Variants in PTPRD observed in about 807,000 individuals in gnomAD.
PTPRD encodes protein tyrosine phosphatase receptor type D.
In PTPRD, 34 loss-of-function variants were observed where a neutral mutation model predicts 214.5. That is an observed-to-expected ratio of 0.16 (90% CI 0.12 to 0.21). The LOEUF (loss-of-function observed/expected upper bound fraction) is 0.21, where lower values mean the gene tolerates loss of function less well. Among genes scored for constraint, PTPRD ranks in the 10% least tolerant of loss-of-function variants. PTPRD has a pLI of 1.00. For synonymous variants in PTPRD, 1,128 were observed against 845.7 expected, an observed-to-expected ratio of 1.33 and a Z score of -5.79; for missense variants, 2,545 against 2,398.7, an observed-to-expected ratio of 1.06 and a Z score of -1.27.
intron 10 of PTPRD, among the ~76,000 whole-genome samples, chr9:9,095,647 T>C (rs555865922): frequency 6.6e-5 from 10 of 152,132 alleles, no homozygotes; most frequent in Non-Finnish European, 1.2e-4. Flanking sequence ...TTTAATACAC[T>C]CATGTAGGAA....
intron 11 of PTPRD, among the ~76,000 whole-genome samples, chr9:8,780,969 C>G (rs922406406): frequency 5.3e-5 from 8 of 152,088 alleles, no homozygotes; most frequent in Non-Finnish European, 8.8e-5. Context: ...TTAACCTGCT[C>G]CAGTGAAAAA....
chr9:10,122,528 A>G (rs1347502163), intron 3 of PTPRD, among the ~76,000 whole-genome samples: 1 of 152,122 alleles, frequency 6.6e-6, no homozygotes, highest in Non-Finnish European at 1.5e-5. Flanking sequence ...AATAAGAAAA[A>G]AAAACATCCT....
intron 3 of PTPRD, among the ~76,000 whole-genome samples, chr9:10,105,647 A>G (rs1436569690): frequency 2.6e-5 from 4 of 151,838 alleles, no homozygotes; most frequent in Non-Finnish European, 5.9e-5. Flanking sequence ...GGACCAGTTT[A>G]CTATTTTCTA....
At chr9:9,315,168 G>C (rs2135680084) in intron 9 of PTPRD, among the ~76,000 whole-genome samples, 1 of 152,022 alleles carries the variant, frequency 6.6e-6, no homozygotes, top group East Asian at 1.9e-4. Context: ...TTTTTCAGCA[G>C]CAAAAGATAA....
At position 9,166,403 on chromosome 9, in the gene PTPRD, G is replaced by C. The variant is rs148428357; in HGVS notation, c.-143+16901C>G. Among the ~76,000 whole-genome samples the C allele has an allele frequency of 2.8e-3, 422 of 152,000 alleles. 2 individuals are homozygous for C. The highest frequency in any genetic ancestry group is 6.8e-3 in the Middle Eastern group (2 of 294). ...GAGAGCTCTCTTCTGCAGCCTCTAG[G>C]CTCCTAGCATTTGGCCTCTACTTTC... On this transcript the variant is annotated intron_variant, in intron 10 of 45. Coordinates refer to ENST00000381196, the MANE Select transcript of PTPRD (RefSeq NM_002839.4).
intron 14 of PTPRD, among the ~76,000 whole-genome samples, chr9:8,614,757 A>G (rs551520703): frequency 1.3e-5 from 2 of 152,322 alleles, no homozygotes; most frequent in South Asian, 4.1e-4. Context: ...ACAAAATGAC[A>G]GACATCCGGT....
rs374561850 is a variant in PTPRD at position 8,521,461 on chromosome 9, G to A, written c.777C>T (p.Ala259=). 7.4e-6 allele frequency: 12 copies of A among 1,613,786 alleles called. No individual in the cohort carries two copies. The highest frequency in any genetic ancestry group is 3.3e-5 in the South Asian group (3 of 91,078). ...TTACATAAGGCATTGGTGACCCCAC[G>A]GCCACACAGGTGATATTAACGCTTC... ...PGGSVNITCV[A]VGSPMPYVKW... Residue 259 remains alanine, a synonymous_variant, in exon 20 of 46, where the codon GCC becomes GCT. Coordinates refer to ENST00000381196, the MANE Select transcript of PTPRD (RefSeq NM_002839.4).
At chr9:9,711,242 G>A (rs2097723186) in intron 7 of PTPRD, among the ~76,000 whole-genome samples, 1 of 152,128 alleles carries the variant, frequency 6.6e-6, no homozygotes, top group African/African-American at 2.4e-5. Context: ...ATGTGTTTGT[G>A]AGCAGAAATA....
chr9:10,051,022 G>GTTT (rs1567329555), intron 3 of PTPRD, among the ~76,000 whole-genome samples: 1 of 151,906 alleles, frequency 6.6e-6, no homozygotes, highest in Non-Finnish European at 1.5e-5. Flanking sequence ...TATGCTAAAT[G>GTTT]TACTTTAAGC....
chr9:8,339,468 A>G (rs1401590887), intron 42 of PTPRD, among the ~76,000 whole-genome samples: 1 of 152,138 alleles, frequency 6.6e-6, no homozygotes, highest in East Asian at 1.9e-4. Flanking sequence ...AACCATCAGT[A>G]TGGACATAGA....
intron 7 of PTPRD, among the ~76,000 whole-genome samples, chr9:9,602,158 T>G (rs891224612): frequency 6.6e-6 from 1 of 152,116 alleles, no homozygotes; most frequent in African/African-American, 2.4e-5. Flanking sequence ...CTATTACCTT[T>G]GCTTTTCAAT....
intron 2 of PTPRD, among the ~76,000 whole-genome samples, chr9:10,385,324 T>C (rs1420061196): frequency 6.6e-6 from 1 of 151,832 alleles, no homozygotes. Flanking sequence ...CCTTAAGGAC[T>C]ATTAGAGTCT....
Position 8,862,893 on chromosome 9 carries a change from G to A in PTPRD, c.-103-128947C>T, listed in dbSNP as rs183976944. ...GTGAGATCACATGGACACAGGAAGGGGAACATCACACTCTGGGGACGGTTG... is the reference window on the plus strand; with the variant it reads ...GTGAGATCACATGGACACAGGAAGGAGAACATCACACTCTGGGGACGGTTG... On this transcript the variant is annotated intron_variant, in intron 11 of 45. Transcript: ENST00000381196. 5.1e-4 allele frequency among the ~76,000 whole-genome samples: 77 copies of A among 152,102 alleles called. 2 individuals carry two copies. The highest frequency in any genetic ancestry group is 1.7e-3 in the African/African-American group (69 of 41,492).
chr9:9,731,320 CA>C (rs1434436893), intron 7 of PTPRD, among the ~76,000 whole-genome samples: 1 of 152,048 alleles, frequency 6.6e-6, no homozygotes, highest in Non-Finnish European at 1.5e-5. Flanking sequence ...TCATTTCTCT[CA>C]AATGGCACTC....
At position 10,304,280 on chromosome 9, in the gene PTPRD, T is replaced by C. The variant is rs770153442; in HGVS notation, c.-545+36683A>G. Among the ~76,000 whole-genome samples the C allele has an allele frequency of 5.9e-5, 9 of 152,280 alleles. No homozygotes were observed. The East Asian group carries it at 1.5e-3, about 26-fold the overall frequency. ...ATGTATCTCAAAATAGTAAGAGCTA[T>C]TTATGACAAACCCACAGTCAATATC... On this transcript the variant is annotated intron_variant, in intron 3 of 45. Coordinates refer to ENST00000381196, the MANE Select transcript of PTPRD (RefSeq NM_002839.4).
chr9:10,320,434 A>T (rs2096533021), intron 3 of PTPRD, among the ~76,000 whole-genome samples: 1 of 152,032 alleles, frequency 6.6e-6, no homozygotes, highest in Non-Finnish European at 1.5e-5. Flanking sequence ...AGGTAGAATA[A>T]AGCATCATTA....
chr9:8,687,679 G>A (rs755039895), intron 12 of PTPRD, among the ~76,000 whole-genome samples: 1 of 150,936 alleles, frequency 6.6e-6, no homozygotes, highest in African/African-American at 2.4e-5. Flanking sequence ...ATGTGGAATG[G>A]AAAAAAGGCA....
chr9:10,217,289 C>T (rs150044153), intron 3 of PTPRD, among the ~76,000 whole-genome samples: 1 of 151,578 alleles, frequency 6.6e-6, no homozygotes, highest in African/African-American at 2.4e-5. Flanking sequence ...AACACAGACA[C>T]GCAGGTACAA....
intron 45 of PTPRD, among the ~76,000 whole-genome samples, chr9:8,319,094 T>C (rs1373277984): frequency 6.6e-6 from 1 of 152,114 alleles, no homozygotes; most frequent in Non-Finnish European, 1.5e-5. Context: ...CAAGCTGGCA[T>C]AATGTTTTGA....
Sources: allele counts gnomAD v4.1 joint callset (sites outside exome capture counted in the v4.1 genomes callset), GRCh38; gene constraint gnomAD v4.1.1; transcripts MANE v1.5; gene names NCBI Gene and HGNC (gene_info 2026-07-23, HGNC 2026-07-21).